The following KCNAB1 variants were observed in gnomAD, a reference collection of about 807,000 sequenced individuals.
KCNAB1 encodes the protein voltage-gated potassium channel subunit beta-1.
KCNAB1 carries 35 observed loss-of-function variants against 64.6 expected under a neutral mutation model. The observed-to-expected ratio is 0.54, with a 90% CI of 0.41 to 0.72. The LOEUF is 0.72. Among genes scored for constraint, KCNAB1 ranks in the 30% least tolerant of loss-of-function variants. The probability of loss-of-function intolerance (pLI) is 0.00; values close to 1 mark genes in which losing one functional copy is unlikely to be tolerated. For synonymous variants in KCNAB1, 177 were observed against 183.8 expected, an observed-to-expected ratio of 0.96 and a Z score of 0.30; for missense variants, 401 against 512.9, an observed-to-expected ratio of 0.78 and a Z score of 2.11.
At chr3:156,283,084 G>T (rs1201186868) in intron 1 of KCNAB1, among the ~76,000 whole-genome samples, 1 of 151,912 alleles carries the variant, frequency 6.6e-6, no homozygotes, top group South Asian at 2.1e-4. Flanking sequence ...ATTTTGGCAT[G>T]ATTTTGCAGC....
At chr3:156,215,462 C>T (rs62286205) in intron 1 of KCNAB1, 7,774 of 152,280 alleles carry the variant, frequency 0.051, 226 homozygotes, top group East Asian at 0.092. Flanking sequence ...AGTTTTATTT[C>T]GTCCTAAAGT....
chr3:156,421,593 G>A, intron 1 of KCNAB1, 23 bp from the exon 2 acceptor site: 1 of 1,613,026 alleles, frequency 6.2e-7, no homozygotes, highest in Non-Finnish European at 8.5e-7. Flanking sequence ...TGATGACCAA[G>A]TGTTGCTTTG....
chr3:156,146,151 G>GA (rs905220753), intron 1 of KCNAB1, among the ~76,000 whole-genome samples: 10 of 151,838 alleles, frequency 6.6e-5, no homozygotes, highest in African/African-American at 1.2e-4. Flanking sequence ...ACCAGGAGGA[G>GA]AAAAAAAATA....
At chr3:156,260,907 C>T (rs7632403) in intron 1 of KCNAB1, among the ~76,000 whole-genome samples, 29 of 151,862 alleles carry the variant, frequency 1.9e-4, no homozygotes, top group East Asian at 3.9e-4. Context: ...ACTAATTCCT[C>T]GTACTAAAAA....
At chr3:156,315,703 G>A (rs548332628) in intron 1 of KCNAB1, among the ~76,000 whole-genome samples, 2 of 151,864 alleles carry the variant, frequency 1.3e-5, no homozygotes, top group Admixed American at 1.3e-4. Context: ...TATTCATGTG[G>A]GATAAAACCA....
At chr3:156,222,112 T>C (rs13094737) in intron 1 of KCNAB1, among the ~76,000 whole-genome samples, 15,775 of 152,134 alleles carry the variant, frequency 0.1, 1,115 homozygotes, top group Non-Finnish European at 0.15. Context: ...CCTAAAATGC[T>C]CCGCTTAAAA....
At chr3:156,372,504 T>C (rs895481330) in intron 1 of KCNAB1, among the ~76,000 whole-genome samples, 1 of 152,220 alleles carries the variant, frequency 6.6e-6, no homozygotes, top group African/African-American at 2.4e-5. Context: ...GTGTGGACTG[T>C]AGAATTTGCT....
intron 1 of KCNAB1, among the ~76,000 whole-genome samples, chr3:156,151,284 G>C (rs1715395681): frequency 6.6e-6 from 1 of 152,134 alleles, no homozygotes; most frequent in Non-Finnish European, 1.5e-5. Flanking sequence ...CTTAGAGCGA[G>C]TGCCTCCCAT....
intron 8 of KCNAB1, among the ~76,000 whole-genome samples, chr3:156,501,318 G>A (rs1716386153): frequency 1.3e-5 from 2 of 150,628 alleles, no homozygotes; most frequent in South Asian, 4.3e-4. Context: ...TGTGCAAGGA[G>A]TATATGGTAT....
intron 1 of KCNAB1, among the ~76,000 whole-genome samples, chr3:156,346,213 C>T (rs557134433): frequency 2.0e-5 from 3 of 151,780 alleles, no homozygotes; most frequent in South Asian, 4.2e-4. Flanking sequence ...CTTGCAGACA[C>T]CTAAAGGGAA....
At chr3:156,321,941 T>G (rs371757430) in intron 1 of KCNAB1, among the ~76,000 whole-genome samples, 2 of 152,182 alleles carry the variant, frequency 1.3e-5, no homozygotes, top group South Asian at 2.1e-4. Flanking sequence ...GTGTCAAAAC[T>G]ACCCTTGAAA....
chr3:156,433,566 A>G (rs1235438145), intron 2 of KCNAB1, among the ~76,000 whole-genome samples: 2 of 152,188 alleles, frequency 1.3e-5, no homozygotes, highest in Non-Finnish European at 2.9e-5. Flanking sequence ...ATTAAACAAG[A>G]ATGTGATAGA....
At chr3:156,221,361 G>A (rs1715719546) in intron 1 of KCNAB1, among the ~76,000 whole-genome samples, 1 of 152,154 alleles carries the variant, frequency 6.6e-6, no homozygotes, top group Admixed American at 6.5e-5. Flanking sequence ...TAAGAGCTGT[G>A]AGGCAAAAGC....
chr3:156,167,736 T>C (rs1196966352), intron 1 of KCNAB1, among the ~76,000 whole-genome samples: 4 of 152,166 alleles, frequency 2.6e-5, no homozygotes, highest in South Asian at 2.1e-4. Context: ...ATTTTTGTAG[T>C]ATAAGGTGAT....
chr3:156,233,224 A>G (rs748654031), intron 1 of KCNAB1, among the ~76,000 whole-genome samples: 1 of 152,206 alleles, frequency 6.6e-6, no homozygotes, highest in Non-Finnish European at 1.5e-5. Context: ...ATAACAATTT[A>G]AATATGTAAC....
At chr3:156,419,208 C>A (rs76137992) in intron 1 of KCNAB1, among the ~76,000 whole-genome samples, 2,907 of 152,244 alleles carry the variant, frequency 0.019, 32 homozygotes, top group South Asian at 0.034. Flanking sequence ...TTTGTTAGAA[C>A]AATCTCTGAA....
chr3:156,169,228 G>T lies in KCNAB1; in HGVS notation c.275+48342G>T, dbSNP rs145830947. On this transcript the variant is annotated intron_variant, in intron 1 of 13. Coordinates refer to ENST00000490337, the MANE Select transcript of KCNAB1 (RefSeq NM_172160.3). ...TAGAATCTTGAGTGCAACAAATGAC[G>T]AATAAAGCTCATTTAGTCTCAATAT... Among the ~76,000 whole-genome samples, 314 of 152,164 alleles carry T rather than the reference G, an allele frequency of 2.1e-3. 1 individual carries two copies. Among genetic ancestry groups the T allele is most frequent in the African/African-American group, 7.1e-3 (295 of 41,502 alleles).
Position 156,537,189 on chromosome 3 carries a change from TAGTAAATAGATTATTGTTA to T in KCNAB1, c.*452_*470del, listed in dbSNP as rs1719115362. 1 of 397,558 alleles carries T rather than the reference TAGTAAATAGATTATTGTTA, an allele frequency of 2.5e-6. No individual in the cohort carries two copies. Among genetic ancestry groups the T allele is most frequent in the Non-Finnish European group, 4.4e-6 (1 of 225,666 alleles). 24.6% of individuals were successfully genotyped at this position (397,558 alleles called of 1,614,324 possible). On this transcript the variant is annotated 3_prime_UTR_variant, in exon 14 of 14. Transcript: ENST00000490337. The stretch of plus-strand genomic sequence containing the variant: ...AGGAAAGGAATTGAGAGATTTTTCT[TAGTAAATAGATTATTGTTA>T]AGTAAATAGTTATTAAAAATATATC...
At chr3:156,232,648 T>C (rs545776576) in intron 1 of KCNAB1, among the ~76,000 whole-genome samples, 1 of 152,350 alleles carries the variant, frequency 6.6e-6, no homozygotes, top group South Asian at 2.1e-4. Flanking sequence ...AAGGCAGAAA[T>C]GCAAAGGTGG....
Sources: gnomAD v4.1 joint callset for allele counts (sites outside exome capture counted in the v4.1 genomes callset) on GRCh38, gnomAD v4.1.1 for gene constraint, MANE v1.5 for transcripts, NCBI Gene and HGNC (gene_info 2026-07-23, HGNC 2026-07-21) for gene names.